The following NAA60 variants were observed in gnomAD, a reference collection of about 807,000 sequenced individuals.
NAA60 encodes the protein N-alpha-acetyltransferase 60, NatF catalytic subunit, also known as N-alpha-acetyltransferase 60.
In NAA60, 8 loss-of-function variants were observed where a neutral mutation model predicts 26.1. The ratio of observed to expected loss-of-function variants is 0.31; its 90% CI spans 0.18 to 0.55. NAA60 has a LOEUF of 0.55. Ranked by LOEUF, NAA60 falls within the 20% of genes least tolerant of loss-of-function variation. NAA60 has a pLI of 0.93. For synonymous variants in NAA60, 131 were observed against 122.5 expected (o/e 1.07, Z -0.46); for missense variants, 290 against 311.3 (o/e 0.93, Z 0.51).
chr16:3,461,463 G>C (rs1380919162), intron 2 of NAA60, among the ~76,000 whole-genome samples: 1 of 152,198 alleles, frequency 6.6e-6, no homozygotes, highest in African/African-American at 2.4e-5. Context: ...CACCTTGTCA[G>C]CAGCTCAGAC....
At chr16:3,463,192 C>T (rs543617752) in intron 2 of NAA60, among the ~76,000 whole-genome samples, 4 of 152,104 alleles carry the variant, frequency 2.6e-5, no homozygotes, top group Non-Finnish European at 4.4e-5. Flanking sequence ...TTTGAAAACA[C>T]ACTATTAAAT....
chr16:3,479,832 C>T (rs1211540046), intron 4 of NAA60, among the ~76,000 whole-genome samples: 1 of 152,184 alleles, frequency 6.6e-6, no homozygotes, highest in Non-Finnish European at 1.5e-5. Context: ...GCTTCATAAC[C>T]ACTGTCGTTC....
At chr16:3,447,708 G>T in intron 1 of NAA60, 1 of 860,544 alleles carries the variant, frequency 1.2e-6, no homozygotes, top group Non-Finnish European at 1.4e-6. Context: ...GAAAACTGTT[G>T]CTACCTAGTC....
intron 2 of NAA60, among the ~76,000 whole-genome samples, chr16:3,473,485 A>G (rs996718950): frequency 3.3e-5 from 5 of 152,202 alleles, no homozygotes; most frequent in Non-Finnish European, 7.4e-5. Context: ...AACTGCTCCC[A>G]TGACTCAGTT....
At chr16:3,447,519 G>A in intron 1 of NAA60, 1 of 985,410 alleles carries the variant, frequency 1.0e-6, no homozygotes, top group Non-Finnish European at 1.2e-6. Flanking sequence ...TTAAACATAA[G>A]TATGGCTCTG....
intron 2 of NAA60, among the ~76,000 whole-genome samples, chr16:3,458,899 G>A (rs1209516305): frequency 1.3e-5 from 2 of 152,130 alleles, no homozygotes; most frequent in African/African-American, 2.4e-5. Context: ...AAATTTGGGG[G>A]TAAGTGGTGG....
At chr16:3,446,320 A>G (rs1042075968) in intron 1 of NAA60, among the ~76,000 whole-genome samples, 3 of 152,106 alleles carry the variant, frequency 2.0e-5, no homozygotes, top group African/African-American at 7.2e-5. Context: ...TCACAAGGTC[A>G]GGAGATCGAG....
chr16:3,456,035 C>T (rs565208526), intron 2 of NAA60, among the ~76,000 whole-genome samples: 1 of 150,166 alleles, frequency 6.7e-6, no homozygotes, highest in South Asian at 2.2e-4. Flanking sequence ...AAGGGATGTA[C>T]ATGCTGTTCT....
At position 3,443,880 on chromosome 16, in the gene NAA60, C is replaced by G. The variant is rs1327857478; in HGVS notation, c.-77+43C>G. 3.3e-6 allele frequency: 5 copies of G among 1,513,340 alleles called. No homozygotes were observed. The African/African-American group carries it at 5.5e-5, about 17-fold the overall frequency. The allele number at this position is 1,513,340 out of a possible 1,614,324, so 93.7% of individuals were successfully genotyped here. A position where few individuals can be genotyped will look rare whatever the true frequency, so the allele number is the denominator to read the frequency against. On this transcript the variant is annotated intron_variant, in intron 1 of 7. Transcript: ENST00000407558. ...TGCCCTGTAGGCCTGAAATTTCGGTCTGGCCAGAGCAAGGTGATTGAGAGG... is the reference window on the plus strand; with the variant it reads ...TGCCCTGTAGGCCTGAAATTTCGGTGTGGCCAGAGCAAGGTGATTGAGAGG...
At chr16:3,458,064 C>T (rs908283524) in intron 2 of NAA60, 99 of 985,226 alleles carry the variant, frequency 1.0e-4, no homozygotes, top group Admixed American at 6.8e-4. Context: ...CCGGCTGCGG[C>T]CCCTGCCGGT....
At chr16:3,447,986 T>G (rs903902704) in intron 1 of NAA60, among the ~76,000 whole-genome samples, 3 of 152,138 alleles carry the variant, frequency 2.0e-5, no homozygotes, top group African/African-American at 7.2e-5. Flanking sequence ...CAGAGGTGCT[T>G]CCAGAGAAAG....
Position 3,484,877 on chromosome 16 carries a change from C to T in NAA60, c.*22C>T, listed in dbSNP as rs1268092075. ...GTGATGTCGGCTGGGCAGCCGCCAC[C>T]AGGCCCCACCCTTCGGCCGCCCGCA... On this transcript the variant is annotated 3_prime_UTR_variant, in exon 7 of 8. Coordinates refer to ENST00000407558, the MANE Select transcript of NAA60 (RefSeq NM_001083601.3). The T allele has an allele frequency of 4.5e-6, 7 of 1,552,308 alleles. No homozygotes were observed. Among genetic ancestry groups the T allele is most frequent in the Admixed American group, 2.0e-5 (1 of 51,232 alleles).
chr16:3,477,530 G>A (rs1197811638), intron 3 of NAA60, among the ~76,000 whole-genome samples: 2 of 151,442 alleles, frequency 1.3e-5, no homozygotes, highest in African/African-American at 4.8e-5. Context: ...GCTGGGCGCA[G>A]TGGCTCACGC....
chr16:3,483,504 A>G lies in NAA60; in HGVS notation c.479A>G (p.Tyr160Cys), dbSNP rs755552327. 1.9e-5 allele frequency: 31 copies of G among 1,613,896 alleles called. 1 individual carries two copies. The South Asian group carries it at 2.4e-4, about 13-fold the overall frequency. ...AACAGAGACTTCAAGCAGCACCACT[A>G]TCTCCCCTATTACTACTCCATTCGA... Reference protein sequence around the residue: ...YENRDFKQHHYLPYYYSIRGV... With the variant: ...YENRDFKQHHCLPYYYSIRGV... The change falls in exon 6 of 8, where the codon TAT becomes TGT. Residue 160 changes from tyrosine (Y) to cysteine (C), a missense_variant. Tyr to Cys is a radical substitution (Grantham distance 194). Transcript: ENST00000407558.
intron 2 of NAA60, among the ~76,000 whole-genome samples, chr16:3,467,509 G>C (rs1382787761): frequency 6.6e-6 from 1 of 152,152 alleles, no homozygotes; most frequent in Non-Finnish European, 1.5e-5. Context: ...GGAGTCCCCC[G>C]TGGACTTGGG....
rs1478493090 is a variant in NAA60, at chr16:3,453,123, A to G, written c.-7+4583A>G. ...AAGTTAAATGTGGTTAATTAAAAATAATTTTACTCACGCCTGTAATCCTAG... is the reference window on the plus strand; with the variant it reads ...AAGTTAAATGTGGTTAATTAAAAATGATTTTACTCACGCCTGTAATCCTAG... On this transcript the variant is annotated intron_variant, in intron 2 of 7. Coordinates refer to ENST00000407558, the MANE Select transcript of NAA60 (RefSeq NM_001083601.3). Among the ~76,000 whole-genome samples, 3 of 152,020 alleles carry G rather than the reference A, an allele frequency of 2.0e-5. No homozygotes were observed. The East Asian group carries it at 5.8e-4, about 30-fold the overall frequency.
At chr16:3,459,595 C>T (rs1326217884) in intron 2 of NAA60, among the ~76,000 whole-genome samples, 1 of 152,086 alleles carries the variant, frequency 6.6e-6, no homozygotes, top group Non-Finnish European at 1.5e-5. Context: ...CAGATCTGCC[C>T]TTGGAGAATG....
chr16:3,470,165 T>C (rs571004766), intron 2 of NAA60, among the ~76,000 whole-genome samples: 1 of 152,202 alleles, frequency 6.6e-6, no homozygotes, highest in Admixed American at 6.5e-5. Context: ...ACACAGTTGG[T>C]TTTGCATCAG....
At position 3,448,358 on chromosome 16, in the gene NAA60, C is replaced by A. The variant is rs1281177445; in HGVS notation, c.-76-113C>A. 5.6e-6 allele frequency: 4 copies of A among 717,232 alleles called. No homozygotes were observed. The African/African-American group carries it at 7.3e-5, about 13-fold the overall frequency. The allele number at this position is 717,232 out of a possible 1,614,324, so 44.4% of individuals were successfully genotyped here. ...TAGTTAATTTTTCCCCAAAAGGGCC[C>A]ATCAGATTGATACTCTGAGATCCAG... is the stretch of plus-strand genomic sequence containing the variant. On this transcript the variant is annotated intron_variant, in intron 1 of 7. Coordinates refer to ENST00000407558, the MANE Select transcript of NAA60 (RefSeq NM_001083601.3).
Sources: gnomAD v4.1 joint callset for allele counts (sites outside exome capture counted in the v4.1 genomes callset) on GRCh38, gnomAD v4.1.1 for gene constraint, MANE v1.5 for transcripts, NCBI Gene and HGNC (gene_info 2026-07-23, HGNC 2026-07-21) for gene names.